Variants in CROT observed in about 807,000 individuals in gnomAD.
CROT encodes carnitine O-octanoyltransferase, also known as peroxisomal carnitine O-octanoyltransferase.
In CROT, 84 loss-of-function variants were observed where a neutral mutation model predicts 89.2. The observed-to-expected ratio is 0.94, with a 90% CI of 0.79 to 1.13. The LOEUF (loss-of-function observed/expected upper bound fraction) is 1.13, where lower values mean the gene tolerates loss of function less well. Among genes scored for constraint, CROT ranks in the 50% most tolerant of loss-of-function variants. The probability of loss-of-function intolerance (pLI) is 0.00; values close to 1 mark genes in which losing one functional copy is unlikely to be tolerated. For missense variants in CROT, 711 were observed against 727.8 expected (o/e 0.98, Z 0.27); for synonymous variants, 212 against 239.5 (o/e 0.89, Z 1.06).
chr7:87,391,356 G>A (rs984493410), intron 13 of CROT, among the ~76,000 whole-genome samples: 5 of 152,158 alleles, frequency 3.3e-5, no homozygotes, highest in African/African-American at 4.8e-5. Context: ...CCATCTTAGA[G>A]GCTGTAATGT....
Position 87,398,684 on chromosome 7 carries a change from T to G in CROT, c.*40T>G. Reference sequence around the variant, plus strand: ...TTAAGCACTTACCAAAACATATCATTAAACTGAGTGCTGGGAGTGAGTTGG... The same window carrying G: ...TTAAGCACTTACCAAAACATATCATGAAACTGAGTGCTGGGAGTGAGTTGG... On this transcript the variant is annotated 3_prime_UTR_variant, in exon 18 of 18. Transcript: ENST00000331536. The G allele has an allele frequency of 2.5e-6, 4 of 1,592,116 alleles. No homozygotes were observed. The highest frequency in any genetic ancestry group is 3.4e-6 in the Non-Finnish European group (4 of 1,167,662).
chr7:87,388,496 A>G (rs913971975), intron 13 of CROT, among the ~76,000 whole-genome samples: 2 of 152,156 alleles, frequency 1.3e-5, no homozygotes, highest in African/African-American at 2.4e-5. Context: ...TCTGATCTGT[A>G]ACAAACCTGA....
At position 87,375,733 on chromosome 7, in the gene CROT, T is replaced by C. The variant is rs1806790128; in HGVS notation, c.750+8T>C. On this transcript the variant is annotated splice_region_variant and intron_variant, in intron 8 of 17. Transcript: ENST00000331536. ...CGAACTCGATGGGCTAAGGTTCTGA[T>C]TTACACTTTTCTTAACGAAGCTTTT... 1 of 1,613,066 alleles carries C rather than the reference T, an allele frequency of 6.2e-7. No homozygotes were observed. The highest frequency in any genetic ancestry group is 1.7e-5 in the Admixed American group (1 of 59,926).
intron 3 of CROT, among the ~76,000 whole-genome samples, chr7:87,358,544 A>T (rs187186106): frequency 6.6e-6 from 1 of 152,054 alleles, no homozygotes; most frequent in Admixed American, 6.5e-5. Flanking sequence ...ACAGTTGATT[A>T]ACAGATAATT....
intron 6 of CROT, among the ~76,000 whole-genome samples, chr7:87,366,331 G>A (rs73394155): frequency 4.7e-5 from 7 of 150,020 alleles, no homozygotes; most frequent in South Asian, 4.2e-4. Context: ...TTTTCCCTTC[G>A]TCCTTAACAA....
At chr7:87,394,033 C>A (rs542699343) in intron 17 of CROT, among the ~76,000 whole-genome samples, 2 of 152,212 alleles carry the variant, frequency 1.3e-5, no homozygotes, top group African/African-American at 4.8e-5. Context: ...ATCTACTATA[C>A]AAAGTTGAAA....
At chr7:87,367,032 C>G (rs1168536819) in intron 6 of CROT, among the ~76,000 whole-genome samples, 1 of 152,132 alleles carries the variant, frequency 6.6e-6, no homozygotes, top group Non-Finnish European at 1.5e-5. Flanking sequence ...TGACATTTAC[C>G]AGCCTTTCAG....
intron 10 of CROT, among the ~76,000 whole-genome samples, chr7:87,379,822 A>G (rs772691949): frequency 3.3e-5 from 5 of 152,228 alleles, no homozygotes; most frequent in African/African-American, 1.2e-4. Context: ...AGTGAAATAC[A>G]TATGCTGTAG....
Position 87,361,460 on chromosome 7 carries a change from C to T in CROT, c.311C>T (p.Ala104Val), listed in dbSNP as rs773956752. 96 of 1,613,584 alleles carry T rather than the reference C, an allele frequency of 5.9e-5. No homozygotes were observed. The South Asian group carries it at 7.7e-4, about 13-fold the overall frequency. The change falls in exon 5 of 18, where the codon GCG becomes GTG. Residue 104 changes from alanine (A) to valine (V), a missense_variant. Coordinates refer to ENST00000331536, the MANE Select transcript of CROT (RefSeq NM_021151.4). ...RIPSQLNVNF[A>V]GPAAHFEHYW... is the part of the protein sequence containing the mutation. ...CCATCACAATTGAATGTCAACTTTGCGGGTCCTGCAGCTCATTTTGAACAC... is the reference window on the plus strand; with the variant it reads ...CCATCACAATTGAATGTCAACTTTGTGGGTCCTGCAGCTCATTTTGAACAC...
intron 14 of CROT, 53 bp from the exon 15 acceptor site, chr7:87,392,513 T>C (rs1807395330): frequency 1.4e-6 from 2 of 1,397,498 alleles, no homozygotes; most frequent in Admixed American, 1.9e-5. Flanking sequence ...GATTTTTTTC[T>C]AGTTGGGTTT....
intron 6 of CROT, among the ~76,000 whole-genome samples, chr7:87,362,926 C>G (rs1806329569): frequency 6.6e-6 from 1 of 151,754 alleles, no homozygotes; most frequent in Non-Finnish European, 1.5e-5. Flanking sequence ...TCCTCAAGCC[C>G]ACATATATTT....
chr7:87,359,754 A>ATCAGAGTGG (rs1281795305), intron 4 of CROT: 1 of 999,700 alleles, frequency 1.0e-6, no homozygotes, highest in East Asian at 1.1e-4. Flanking sequence ...ATCATTAAAA[A>ATCAGAGTGG]TCAGAGTGGA....
chr7:87,391,518 G>A (rs1330261244), intron 13 of CROT, 71 bp from the exon 14 acceptor site: 9 of 1,427,738 alleles, frequency 6.3e-6, no homozygotes, highest in Non-Finnish European at 8.5e-6. Flanking sequence ...AGCTTTATTA[G>A]GCAACTATAT....
chr7:87,359,383 A>C, intron 4 of CROT, 53 bp downstream of exon 4: 1 of 1,529,654 alleles, frequency 6.5e-7, no homozygotes, highest in Non-Finnish European at 8.8e-7. Context: ...GATAAATAAA[A>C]AGTGCATAGT....
At chr7:87,349,707 C>T (rs1456027884) in intron 3 of CROT, among the ~76,000 whole-genome samples, 1 of 152,122 alleles carries the variant, frequency 6.6e-6, no homozygotes, top group Non-Finnish European at 1.5e-5. Flanking sequence ...TGGCAAGGAA[C>T]GTGCCTTGCT....
chr7:87,392,733 T>C lies in CROT; in HGVS notation c.1508T>C (p.Phe503Ser), dbSNP rs1807406687. The C allele has an allele frequency of 6.2e-7, 1 of 1,613,426 alleles. No homozygotes were observed. Among genetic ancestry groups the C allele is most frequent in the African/African-American group, 1.3e-5 (1 of 75,016 alleles). Reference sequence around the variant, plus strand: ...GAGATTTGGGGTTTCATTGCAGGATTTGATCGTCACCTTTTAGGTCTCTTA... The same window carrying C: ...GAGATTTGGGGTTTCATTGCAGGATCTGATCGTCACCTTTTAGGTCTCTTA... Reference protein sequence around the residue: ...MMKDCSAGKGFDRHLLGLLLI... With the variant: ...MMKDCSAGKGSDRHLLGLLLI... Residue 503 changes from phenylalanine to serine, a missense_variant, in exon 16 of 18, where the codon TTT (phenylalanine) becomes TCT (serine). Transcript: ENST00000331536.
At chr7:87,349,618 T>C (rs79137265) in intron 3 of CROT, among the ~76,000 whole-genome samples, 7,592 of 152,272 alleles carry the variant, frequency 0.05, 457 homozygotes, top group African/African-American at 0.14. Flanking sequence ...CTGGACTTTC[T>C]ACTGTTGTAG....
intron 7 of CROT, among the ~76,000 whole-genome samples, chr7:87,370,292 T>A (rs879569467): frequency 6.6e-6 from 1 of 152,072 alleles, no homozygotes; most frequent in Admixed American, 6.6e-5. Context: ...AAGTGATTCT[T>A]CTGCCTCAGC....
At chr7:87,355,662 G>A (rs1043832020) in intron 3 of CROT, among the ~76,000 whole-genome samples, 7 of 152,106 alleles carry the variant, frequency 4.6e-5, no homozygotes, top group Admixed American at 2.0e-4. Context: ...TGTCACTAGC[G>A]AGACACAGAC....
Sources: gnomAD v4.1 joint callset for allele counts (sites outside exome capture counted in the v4.1 genomes callset) on GRCh38, gnomAD v4.1.1 for gene constraint, MANE v1.5 for transcripts, NCBI Gene and HGNC (gene_info 2026-07-23, HGNC 2026-07-21) for gene names.